Variants in HERC1 observed in about 807,000 individuals in gnomAD.
The protein encoded by HERC1 is probable E3 ubiquitin-protein ligase HERC1.
HERC1 carries 160 observed loss-of-function variants against 554.3 expected under a neutral mutation model. The ratio of observed to expected loss-of-function variants is 0.29; its 90% CI spans 0.25 to 0.33. HERC1 has a LOEUF of 0.33. Ranked by LOEUF, HERC1 falls within the 10% of genes least tolerant of loss-of-function variation. HERC1 has a pLI of 1.00. For missense variants in HERC1, 4,919 were observed against 5,918.5 expected (o/e 0.83, Z 5.54); for synonymous variants, 2,175 against 2,131.7 (o/e 1.02, Z -0.56).
In HERC1 at chr15:63,677,830, C is replaced by G. The variant is rs1321410289; in HGVS notation, c.7070+15G>C. On this transcript the variant is annotated intron_variant, in intron 37 of 77. Transcript: ENST00000443617. The surrounding 1 kb of genome is among the most constrained non-coding windows in gnomAD (Gnocchi z 4.4). Reference sequence around the variant, plus strand: ...AAATATTTGTTTGCTAAAAGTGTAACTCAACAGATCATACCTGATAGTAAT... The same window carrying G: ...AAATATTTGTTTGCTAAAAGTGTAAGTCAACAGATCATACCTGATAGTAAT... 6.2e-7 allele frequency: 1 copy of G among 1,601,100 alleles called. No individual in the cohort carries two copies. Among genetic ancestry groups the G allele is most frequent in the Admixed American group, 1.7e-5 (1 of 58,788 alleles).
At chr15:63,639,600 G>A (rs994400155) in intron 61 of HERC1, among the ~76,000 whole-genome samples, 2 of 152,100 alleles carry the variant, frequency 1.3e-5, no homozygotes, top group Non-Finnish European at 1.5e-5. Context: ...CCAAATGTTT[G>A]TATACATAAA....
Position 63,638,589 on chromosome 15 carries a change from C to T in HERC1, c.11968-53G>A. 6 of 1,612,420 alleles carry T rather than the reference C, an allele frequency of 3.7e-6. No individual in the cohort carries two copies. In the Admixed American group the frequency reaches 6.7e-5, roughly 18 times the overall value. On this transcript the variant is annotated intron_variant, in intron 62 of 77. Coordinates refer to ENST00000443617, the MANE Select transcript of HERC1 (RefSeq NM_003922.4). ...AGAGTCATCCATTCACTCAAACAGC[C>T]ATGTACTACGTACCAAGTGTGTGCC...
chr15:63,681,084 C>CT (rs1436787127), intron 34 of HERC1, among the ~76,000 whole-genome samples: 1 of 152,142 alleles, frequency 6.6e-6, no homozygotes, highest in Non-Finnish European at 1.5e-5. Context: ...TTAATGAAAA[C>CT]TTTAATTCTT....
chr15:63,635,671 A>T (rs1489298603), intron 65 of HERC1, among the ~76,000 whole-genome samples: 1 of 152,210 alleles, frequency 6.6e-6, no homozygotes, highest in Non-Finnish European at 1.5e-5. Flanking sequence ...GGCAGAAGTT[A>T]AACCACACAA....
At chr15:63,646,982 C>T (rs552209522) in intron 55 of HERC1, among the ~76,000 whole-genome samples, 159 of 152,100 alleles carry the variant, frequency 1.0e-3, no homozygotes, top group African/African-American at 3.3e-3. Context: ...GAGCCATGCA[C>T]GTTGGCTCAC....
chr15:63,614,110 C>A (rs1270276768), intron 76 of HERC1, among the ~76,000 whole-genome samples: 1 of 152,032 alleles, frequency 6.6e-6, no homozygotes, highest in Non-Finnish European at 1.5e-5. Context: ...AACCAAAGAC[C>A]AATTCATATA....
At chr15:63,646,442 A>G (rs920340282) in intron 55 of HERC1, among the ~76,000 whole-genome samples, 1 of 152,080 alleles carries the variant, frequency 6.6e-6, no homozygotes, top group Non-Finnish European at 1.5e-5. Context: ...ATTAAGTCAT[A>G]AGTGACTGAT....
intron 1 of HERC1, among the ~76,000 whole-genome samples, chr15:63,807,096 G>A (rs1298018421): frequency 6.6e-5 from 10 of 152,096 alleles, no homozygotes; most frequent in Admixed American, 4.6e-4. Flanking sequence ...CTTCCTCCAA[G>A]AGCATTTTCA....
At chr15:63,617,555 C>T (rs2067876680) in intron 74 of HERC1, among the ~76,000 whole-genome samples, 1 of 152,158 alleles carries the variant, frequency 6.6e-6, no homozygotes, top group Admixed American at 6.5e-5. Flanking sequence ...AATGGTATTT[C>T]TAGTTCTAGA....
At chr15:63,737,352 TATATA>T (rs1264236842) in intron 12 of HERC1, among the ~76,000 whole-genome samples, 3 of 145,104 alleles carry the variant, frequency 2.1e-5, no homozygotes, top group African/African-American at 7.7e-5. Context: ...CACTTCCAGA[TATATA>T]TATATCTTTT....
intron 2 of HERC1, among the ~76,000 whole-genome samples, 173 bp downstream of exon 2, chr15:63,774,521 T>C: frequency 6.6e-6 from 1 of 152,218 alleles, no homozygotes; most frequent in Non-Finnish European, 1.5e-5. Flanking sequence ...GTACCAACCA[T>C]ATATTATCAA....
chr15:63,709,912 G>C (rs1039215875), intron 24 of HERC1, among the ~76,000 whole-genome samples: 1 of 152,226 alleles, frequency 6.6e-6, no homozygotes, highest in Non-Finnish European at 1.5e-5. Context: ...AGGTAGCTGG[G>C]AAAGCTTTCT....
At chr15:63,786,886 G>A (rs1439439435) in intron 1 of HERC1, among the ~76,000 whole-genome samples, 3 of 149,024 alleles carry the variant, frequency 2.0e-5, no homozygotes, top group Non-Finnish European at 4.5e-5. Flanking sequence ...ATGGTTAATT[G>A]TACGTGATGT....
Position 63,718,811 on chromosome 15 carries a change from A to G in HERC1, c.3829T>C (p.Leu1277=). ...VLAALLKHTN[L]LSQACGESRY... is the part of the protein sequence containing the mutation. ...CTTTCTCCACATGCTTGACTAAGTA[A>G]ATTTGTGTGTTTCAGAAGAGCTGCA... Residue 1277 remains leucine, a synonymous_variant, in exon 20 of 78, where the codon TTA becomes CTA. Transcript: ENST00000443617. The surrounding 1 kb of genome is among the most constrained non-coding windows in gnomAD (Gnocchi z 4.2). 2 of 1,613,626 alleles carry G rather than the reference A, an allele frequency of 1.2e-6. No homozygotes were observed. The highest frequency in any genetic ancestry group is 3.3e-5 in the Admixed American group (2 of 60,002).
In HERC1 at chr15:63,674,673, T is replaced by C; in HGVS notation, c.7515A>G (p.Ala2505=). ...NHDVAQSEIR[A]VQLSYLYLGA... is the part of the protein sequence containing the mutation. Reference sequence around the variant, plus strand: ...CGAGGTAAAGATAGGACAGCTGGACTGCTCTGATTTCTGACTGGGCTACAT... The same window carrying C: ...CGAGGTAAAGATAGGACAGCTGGACCGCTCTGATTTCTGACTGGGCTACAT... Residue 2505 remains alanine (A), a synonymous_variant, in exon 38 of 78, where the codon GCA becomes GCG. Transcript: ENST00000443617. 1 of 1,613,892 alleles carries C rather than the reference T, an allele frequency of 6.2e-7. No homozygotes were observed. The highest frequency in any genetic ancestry group is 8.5e-7 in the Non-Finnish European group (1 of 1,179,792).
chr15:63,617,400 G>T (rs1043703618), intron 74 of HERC1, among the ~76,000 whole-genome samples: 1 of 152,132 alleles, frequency 6.6e-6, no homozygotes, highest in Non-Finnish European at 1.5e-5. Context: ...TCTTAATCCA[G>T]TCTATCATTG....
In HERC1 at chr15:63,674,775, T is replaced by C. The variant is rs375169418; in HGVS notation, c.7413A>G (p.Thr2471=). The change falls in exon 38 of 78, where the codon ACA becomes ACG. Residue 2471 remains threonine, a synonymous_variant. Coordinates refer to ENST00000443617, the MANE Select transcript of HERC1 (RefSeq NM_003922.4). The stretch of plus-strand genomic sequence containing the variant: ...GATGTTGGGATTCCACACTTGGCAG[T>C]GTTGGATCTAAAGAAAATGAAGCGA... ...NEIASFSLDP[T]LPSVESQHQI... is the part of the protein sequence containing the mutation. The C allele has an allele frequency of 1.6e-4, 251 of 1,613,936 alleles. No homozygotes were observed. The highest frequency in any genetic ancestry group is 2.0e-4 in the Non-Finnish European group (241 of 1,179,850).
At position 63,628,748 on chromosome 15, in the gene HERC1, A is replaced by G; in HGVS notation, c.13034T>C (p.Val4345Ala). ...GCAGCGGCCAGCCGAGATCTGCCGAACATTTTTCCCTTGCAGACCTGTTAC... is the reference window on the plus strand; with the variant it reads ...GCAGCGGCCAGCCGAGATCTGCCGAGCATTTTTCCCTTGCAGACCTGTTAC... ...TLVTGLQGKN[V>A]RQISAGRCHS... The change falls in exon 70 of 78, where the codon GTT (valine) becomes GCT (alanine). Residue 4345 changes from valine to alanine, a missense_variant. Coordinates refer to ENST00000443617, the MANE Select transcript of HERC1 (RefSeq NM_003922.4). 6.2e-7 allele frequency: 1 copy of G among 1,614,052 alleles called. No individual in the cohort carries two copies. Among genetic ancestry groups the G allele is most frequent in the East Asian group, 2.2e-5 (1 of 44,888 alleles).
intron 1 of HERC1, among the ~76,000 whole-genome samples, chr15:63,815,979 T>G (rs2077478981): frequency 6.6e-6 from 1 of 152,114 alleles, no homozygotes; most frequent in Admixed American, 6.5e-5. Context: ...GAAAACAGCA[T>G]GAGGGTAACC....
Sources: allele counts gnomAD v4.1 joint callset (sites outside exome capture counted in the v4.1 genomes callset), GRCh38; gene constraint gnomAD v4.1.1; non-coding constraint Gnocchi (gnomAD v3.1); transcripts MANE v1.5; gene names NCBI Gene and HGNC (gene_info 2026-07-23, HGNC 2026-07-21).